EFHC2: variants seen among roughly 807,000 people sequenced by gnomAD.
EFHC2 encodes the protein EF-hand domain-containing family member C2.
A neutral mutation model predicts 52.7 loss-of-function variants in EFHC2; 18 were observed. The ratio of observed to expected loss-of-function variants is 0.34; its 90% CI spans 0.24 to 0.51. The LOEUF (loss-of-function observed/expected upper bound fraction) is 0.51, where lower values mean the gene tolerates loss of function less well. Among genes scored for constraint, EFHC2 ranks in the 20% least tolerant of loss-of-function variants. The pLI is 0.97. For missense variants in EFHC2, 513 were observed against 562.5 expected (o/e 0.91, Z 0.89); for synonymous variants, 203 against 204.1 (o/e 0.99, Z 0.04).
intron 1 of EFHC2, among the ~76,000 whole-genome samples, chrX:44,325,850 T>G (rs1157161192): frequency 9.5e-6 from 1 of 104,734 alleles, no homozygotes; most frequent in African/African-American, 3.5e-5. Context: ...ATTGCCACAA[T>G]AGCTAACAAT....
intron 2 of EFHC2, among the ~76,000 whole-genome samples, chrX:44,275,646 G>A (rs2037650530): frequency 9.2e-6 from 1 of 108,700 alleles, no homozygotes; most frequent in Admixed American, 1.0e-4. Flanking sequence ...GGGCATGATG[G>A]CTCACACCTG....
At chrX:44,224,449 G>C (rs66780868) in intron 11 of EFHC2, among the ~76,000 whole-genome samples, 1 of 111,681 alleles carries the variant, frequency 9.0e-6, no homozygotes, top group Non-Finnish European at 1.9e-5. Flanking sequence ...GTAAACAAGA[G>C]AGCCAAGAGC....
chrX:44,339,369 T>C (rs2038138996), intron 1 of EFHC2, among the ~76,000 whole-genome samples: 1 of 111,716 alleles, frequency 9.0e-6, no homozygotes, highest in African/African-American at 3.3e-5. Flanking sequence ...ATTCTCTTGC[T>C]CAATACAAGT....
intron 2 of EFHC2, among the ~76,000 whole-genome samples, chrX:44,280,931 T>A (rs905207879): frequency 1.8e-5 from 2 of 111,538 alleles, no homozygotes; most frequent in African/African-American, 3.3e-5. Flanking sequence ...AATTATTATT[T>A]TTTTTTTAGA....
At chrX:44,249,921 T>C (rs778139685) in intron 5 of EFHC2, among the ~76,000 whole-genome samples, 1 of 112,812 alleles carries the variant, frequency 8.9e-6, no homozygotes, top group African/African-American at 3.2e-5. Flanking sequence ...TTCATAAAAC[T>C]GGATGTGAAC....
intron 14 of EFHC2, among the ~76,000 whole-genome samples, chrX:44,152,052 T>C (rs1256053484): frequency 2.7e-5 from 3 of 111,921 alleles, no homozygotes; most frequent in Non-Finnish European, 1.9e-5. Flanking sequence ...AACCTTAATT[T>C]CAGAGATGAT....
At chrX:44,272,374 G>A (rs189768964) in intron 3 of EFHC2, among the ~76,000 whole-genome samples, 77 of 111,959 alleles carry the variant, frequency 6.9e-4, no homozygotes, top group African/African-American at 2.3e-3. Context: ...ATCTGCTCAC[G>A]GCAAGGCGAC....
At chrX:44,154,074 C>T (rs1262214741) in intron 14 of EFHC2, among the ~76,000 whole-genome samples, 1 of 112,555 alleles carries the variant, frequency 8.9e-6, no homozygotes, top group Admixed American at 9.4e-5. Context: ...CCTGGCAGTG[C>T]AGGTTTGGAA....
At chrX:44,238,913 C>T (rs1195191463) in intron 8 of EFHC2, among the ~76,000 whole-genome samples, 3 of 111,689 alleles carry the variant, frequency 2.7e-5, no homozygotes, top group Non-Finnish European at 3.8e-5. Flanking sequence ...ATAAGTTCCA[C>T]GATGGCAGGC....
chrX:44,198,688 G>A (rs1261910425), intron 11 of EFHC2, among the ~76,000 whole-genome samples: 1 of 111,340 alleles, frequency 9.0e-6, no homozygotes, highest in East Asian at 2.8e-4. Flanking sequence ...AGCAGGATGA[G>A]AGGTAGTTGG....
chrX:44,214,836 A>G (rs1308787881), intron 11 of EFHC2, among the ~76,000 whole-genome samples: 1 of 112,299 alleles, frequency 8.9e-6, no homozygotes, highest in East Asian at 2.8e-4. Context: ...AATGAATGAC[A>G]GCAATGATAC....
chrX:44,338,966 G>A (rs1257518179), intron 1 of EFHC2, among the ~76,000 whole-genome samples: 1 of 110,967 alleles, frequency 9.0e-6, no homozygotes, highest in African/African-American at 3.3e-5. Context: ...TGAGGCGGGT[G>A]GATCAACTGA....
intron 2 of EFHC2, among the ~76,000 whole-genome samples, chrX:44,304,804 C>T (rs1196397922): frequency 9.1e-6 from 1 of 109,699 alleles, no homozygotes; most frequent in Non-Finnish European, 1.9e-5. Flanking sequence ...CTGTGTTTCT[C>T]GGTGGAAACA....
chrX:44,187,153 G>A (rs1209289984), intron 11 of EFHC2, among the ~76,000 whole-genome samples: 7 of 47,178 alleles, frequency 1.5e-4, no homozygotes, highest in Admixed American at 4.7e-4. Flanking sequence ...ATATATATAT[G>A]GGCTTTACTC....
At chrX:44,175,997 A>G (rs1366135887) in intron 13 of EFHC2, among the ~76,000 whole-genome samples, 2 of 112,181 alleles carry the variant, frequency 1.8e-5, no homozygotes, top group Admixed American at 9.5e-5. Flanking sequence ...TTTACATCTA[A>G]TGTCCTCCTA....
chrX:44,176,329 G>T lies in EFHC2; in HGVS notation c.2005C>A (p.Pro669Thr). Residue 669 changes from proline to threonine, a missense_variant, in exon 13 of 15, where the codon CCT (proline) becomes ACT (threonine). By Grantham distance (38) the Pro-to-Thr change is conservative. Transcript: ENST00000420999. ...IKRLCKSSRL[P>T]LSDDLLESLL... ...GATTCTAGAAGATCATCACTCAAAGGTAATCTGGAGGATTTGCACAGCCTT... is the reference window on the plus strand; with the variant it reads ...GATTCTAGAAGATCATCACTCAAAGTTAATCTGGAGGATTTGCACAGCCTT... The T allele has an allele frequency of 8.3e-7, 1 of 1,200,364 alleles. No homozygotes were observed.
intron 2 of EFHC2, among the ~76,000 whole-genome samples, chrX:44,289,613 CTT>C (rs1293748128): frequency 9.5e-6 from 1 of 105,146 alleles, no homozygotes; most frequent in Non-Finnish European, 2.0e-5. Flanking sequence ...TTATTGATCT[CTT>C]TTTTATTTTC....
chrX:44,313,099 A>AT (rs1243544413), intron 1 of EFHC2, among the ~76,000 whole-genome samples: 1 of 103,548 alleles, frequency 9.7e-6, no homozygotes, highest in Non-Finnish European at 2.0e-5. Context: ...AAACAGCAAA[A>AT]AAAAAAAAAA....
chrX:44,300,361 C>A (rs767116129), intron 2 of EFHC2, among the ~76,000 whole-genome samples: 91 of 111,204 alleles, frequency 8.2e-4, no homozygotes, highest in Non-Finnish European at 1.6e-3. Context: ...AGAAGAGAGG[C>A]CTCAGGAGAA....
Sources: gnomAD v4.1 joint callset for allele counts (sites outside exome capture counted in the v4.1 genomes callset) on GRCh38, gnomAD v4.1.1 for gene constraint, MANE v1.5 for transcripts, NCBI Gene and HGNC (gene_info 2026-07-23, HGNC 2026-07-21) for gene names.